SLC26A5: variants seen among roughly 807,000 people sequenced by gnomAD.
SLC26A5 encodes prestin.
Under a neutral mutation model 81.0 loss-of-function variants are expected in SLC26A5, and 51 were observed. The observed-to-expected ratio is 0.63, with a 90% confidence interval of 0.50 to 0.80. SLC26A5 has a LOEUF of 0.80. Ranked by LOEUF, SLC26A5 falls within the 30% of genes least tolerant of loss-of-function variation. The pLI is 0.00. For missense variants in SLC26A5, 771 were observed against 905.8 expected, an observed-to-expected ratio of 0.85 and a Z score of 1.91; for synonymous variants, 325 against 332.8, an observed-to-expected ratio of 0.98 and a Z score of 0.25.
At chr7:103,395,481 A>T (rs975973185) in intron 9 of SLC26A5, among the ~76,000 whole-genome samples, 1 of 140,320 alleles carries the variant, frequency 7.1e-6, no homozygotes, top group East Asian at 2.0e-4. Context: ...ATACATATAT[A>T]TATACGCATA....
At chr7:103,376,709 A>G in intron 19 of SLC26A5, 99 bp downstream of exon 19, 1 of 916,684 alleles carries the variant, frequency 1.1e-6, no homozygotes, top group Non-Finnish European at 1.7e-6. Context: ...TCATTTTTAT[A>G]AAATAATTAA....
At chr7:103,442,807 T>C (rs1826976454) in intron 2 of SLC26A5, among the ~76,000 whole-genome samples, 1 of 152,202 alleles carries the variant, frequency 6.6e-6, no homozygotes, top group Admixed American at 6.5e-5. Context: ...ATTAAGTACA[T>C]TCTAGGGTTG....
chr7:103,371,059 G>C (rs1370512587), downstream of SLC26A5, among the ~76,000 whole-genome samples: 1 of 152,172 alleles, frequency 6.6e-6, no homozygotes, highest in Admixed American at 6.5e-5. Flanking sequence ...GAAAGCCAGA[G>C]ACGAGACTGT....
chr7:103,443,833 C>G (rs113363096), intron 1 of SLC26A5, among the ~76,000 whole-genome samples: 1 of 152,200 alleles, frequency 6.6e-6, no homozygotes, highest in Non-Finnish European at 1.5e-5. Context: ...CTGACTAATT[C>G]GCTGACCCGT....
At chr7:103,394,863 C>A (rs1237305567) in intron 9 of SLC26A5, among the ~76,000 whole-genome samples, 1 of 152,168 alleles carries the variant, frequency 6.6e-6, no homozygotes, top group East Asian at 1.9e-4. Context: ...TGTATGAGTG[C>A]CTTAAGAGGC....
chr7:103,412,085 G>A (rs1478109631), intron 5 of SLC26A5, among the ~76,000 whole-genome samples: 5 of 152,182 alleles, frequency 3.3e-5, no homozygotes, highest in African/African-American at 1.2e-4. Context: ...GGAGGAAAAA[G>A]GGAGAGAGGA....
intron 4 of SLC26A5, among the ~76,000 whole-genome samples, chr7:103,419,783 C>G (rs1393811230): frequency 6.6e-6 from 1 of 152,078 alleles, no homozygotes; most frequent in Non-Finnish European, 1.5e-5. Context: ...GGTGATCCAC[C>G]CACCTCAGCC....
chr7:103,367,341 G>T lies in SLC26A5; in HGVS notation c.2041+9467C>A, dbSNP rs1045911858. On this transcript the variant is annotated intron_variant, in intron 19 of 19. Coordinates refer to the SLC26A5 transcript ENST00000339444. This position sits in a 1 kb window ranked among gnomAD's most constrained non-coding sequence, Gnocchi z 6.1. The stretch of plus-strand genomic sequence containing the variant: ...GACATGATTTGAGCTGAGATTTTTG[G>T]TACTTTCAGGTCATGCATAGTGCTA... 1 of 1,443,544 alleles carries T rather than the reference G, an allele frequency of 6.9e-7. No individual in the cohort carries two copies. The highest frequency in any genetic ancestry group is 9.7e-7 in the Non-Finnish European group (1 of 1,034,610). The allele number at this position is 1,443,544 out of a possible 1,614,324, so 89.4% of individuals were successfully genotyped here. A position where few individuals can be genotyped will look rare whatever the true frequency, so the allele number is the denominator to read the frequency against.
chr7:103,389,242 C>A (rs1336239718), intron 13 of SLC26A5, 87 bp downstream of exon 13: 10 of 1,228,528 alleles, frequency 8.1e-6, no homozygotes, highest in Non-Finnish European at 1.1e-5. Flanking sequence ...ATAACAACTG[C>A]ATTAATTTAT....
Position 103,411,939 on chromosome 7 carries a change from C to A in SLC26A5, c.404-353G>T, listed in dbSNP as rs190678447. Among the ~76,000 whole-genome samples, 358 of 152,248 alleles carry A rather than the reference C, an allele frequency of 2.4e-3. 1 individual carries two copies. Among genetic ancestry groups the A allele is most frequent in the Non-Finnish European group, 4.5e-3 (306 of 68,028 alleles). On this transcript the variant is annotated intron_variant, in intron 5 of 19. Transcript: ENST00000306312. Reference sequence around the variant, plus strand: ...AAGTGACGTTGTGTGACTTCTCAGGCTAGGTAATAAAAGGGCTGCAGTTTC... The same window carrying A: ...AAGTGACGTTGTGTGACTTCTCAGGATAGGTAATAAAAGGGCTGCAGTTTC...
At chr7:103,439,421 C>G (rs917876113) in intron 2 of SLC26A5, among the ~76,000 whole-genome samples, 1 of 152,202 alleles carries the variant, frequency 6.6e-6, no homozygotes, top group Admixed American at 6.5e-5. Context: ...CTTTAGCACC[C>G]TCTCAAACTC....
rs190128711 is a variant in SLC26A5, at chr7:103,382,009, C to A, written c.1515-1460G>T. On this transcript the variant is annotated intron_variant, in intron 14 of 19. Transcript: ENST00000306312. ...CATCACACACCCTATACCTCCCCTC[C>A]CCCCAACACCATACCACAAACACGA... 1.1e-4 allele frequency among the ~76,000 whole-genome samples: 17 copies of A among 152,156 alleles called. No individual in the cohort carries two copies. In the East Asian group the frequency reaches 2.3e-3, roughly 21 times the overall value.
At chr7:103,445,167 G>A (rs905303036) in intron 1 of SLC26A5, 1 of 152,108 alleles carries the variant, frequency 6.6e-6, no homozygotes, top group Non-Finnish European at 1.5e-5. Flanking sequence ...AGTACTCATC[G>A]AAGCTAGGAA....
chr7:103,360,006 GGGAGGCGGAAGTTGCAGTGAGTCA>G (rs1216878166), intron 19 of SLC26A5, among the ~76,000 whole-genome samples: 1 of 151,922 alleles, frequency 6.6e-6, no homozygotes, highest in Non-Finnish European at 1.5e-5. Flanking sequence ...GCTCGAACGT[GGGAGGCGGAAGTTGCAGTGAGTCA>G]AGATCGCGCC....
At chr7:103,423,478 G>A (rs1313650226) in intron 2 of SLC26A5, among the ~76,000 whole-genome samples, 2 of 152,156 alleles carry the variant, frequency 1.3e-5, no homozygotes, top group Non-Finnish European at 2.9e-5. Flanking sequence ...AATTCAAGTT[G>A]AAACTTAACC....
At chr7:103,440,067 C>T (rs1826764364) in intron 2 of SLC26A5, among the ~76,000 whole-genome samples, 1 of 152,214 alleles carries the variant, frequency 6.6e-6, no homozygotes, top group Non-Finnish European at 1.5e-5. Flanking sequence ...GCACTTAACA[C>T]TATCTAACCT....
At chr7:103,402,688 C>T (rs1390860060) in intron 8 of SLC26A5, among the ~76,000 whole-genome samples, 2 of 152,226 alleles carry the variant, frequency 1.3e-5, no homozygotes, top group East Asian at 1.9e-4. Context: ...CGTGAGCCAC[C>T]GTGCCCAGCC....
At chr7:103,432,528 T>C (rs898231006) in intron 2 of SLC26A5, among the ~76,000 whole-genome samples, 1 of 152,226 alleles carries the variant, frequency 6.6e-6, no homozygotes, top group African/African-American at 2.4e-5. Flanking sequence ...ATTTAAAGCC[T>C]ATATTTTTCA....
chr7:103,354,104 AG>A, intron 19 of SLC26A5: 1 of 646,048 alleles, frequency 1.5e-6, no homozygotes, highest in Non-Finnish European at 2.5e-6. Flanking sequence ...AGAAACAATT[AG>A]AAAAGAATGT....
Sources: allele counts gnomAD v4.1 joint callset (sites outside exome capture counted in the v4.1 genomes callset), GRCh38; gene constraint gnomAD v4.1.1; non-coding constraint Gnocchi (gnomAD v3.1); transcripts MANE v1.5; gene names NCBI Gene and HGNC (gene_info 2026-07-23, HGNC 2026-07-21).